C8B: variants seen among roughly 807,000 people sequenced by gnomAD.
C8B encodes complement component C8 beta chain.
A neutral mutation model predicts 64.6 loss-of-function variants in C8B; 67 were observed. The observed-to-expected ratio is 1.04, with a 90% CI of 0.85 to 1.27. C8B has a LOEUF of 1.27. Among genes scored for constraint, C8B ranks in the 50% most tolerant of loss-of-function variants. The probability of loss-of-function intolerance (pLI) is 0.00; values close to 1 mark genes in which losing one functional copy is unlikely to be tolerated. For synonymous variants in C8B, 284 were observed against 257.7 expected, an observed-to-expected ratio of 1.10 and a Z score of -0.98; for missense variants, 790 against 725.2, an observed-to-expected ratio of 1.09 and a Z score of -1.03.
At chr1:56,939,753 G>C (rs1020665970) in intron 9 of C8B, among the ~76,000 whole-genome samples, 2 of 152,218 alleles carry the variant, frequency 1.3e-5, no homozygotes, top group African/African-American at 2.4e-5. Flanking sequence ...GGAAAGTCTA[G>C]AGGGGAGGGA....
chr1:56,952,029 C>G lies in C8B; in HGVS notation c.666+19G>C. ...TGCTCAGCTGGGGCTCCCTCCACTG[C>G]TACCTGGCTGTCTCTTACCTGTGGC... On this transcript the variant is annotated intron_variant, in intron 5 of 11. Coordinates refer to ENST00000371237, the MANE Select transcript of C8B (RefSeq NM_000066.4). 1 of 1,613,506 alleles carries G rather than the reference C, an allele frequency of 6.2e-7. No homozygotes were observed. The highest frequency in any genetic ancestry group is 8.5e-7 in the Non-Finnish European group (1 of 1,179,986).
intron 9 of C8B, among the ~76,000 whole-genome samples, chr1:56,937,852 A>G (rs923350547): frequency 3.9e-5 from 6 of 152,176 alleles, no homozygotes; most frequent in Non-Finnish European, 7.3e-5. Flanking sequence ...TTCTTCACCC[A>G]TTAATGACCA....
At chr1:56,953,025 G>T (rs1283024395) in intron 4 of C8B, among the ~76,000 whole-genome samples, 2 of 152,192 alleles carry the variant, frequency 1.3e-5, no homozygotes, top group Admixed American at 6.5e-5. Context: ...TTTACTGAGG[G>T]TGTAACTGGT....
At chr1:56,959,437 A>G (rs904581405) in intron 2 of C8B, 1 of 788,628 alleles carries the variant, frequency 1.3e-6, no homozygotes, top group African/African-American at 1.7e-5. Flanking sequence ...GGAGGAGTCA[A>G]AAAGCTTTCT....
chr1:56,935,933 G>A (rs1472586088), intron 9 of C8B, among the ~76,000 whole-genome samples: 4 of 152,186 alleles, frequency 2.6e-5, no homozygotes, highest in East Asian at 1.9e-4. Context: ...CTTAACATCA[G>A]AATATGAGCA....
In C8B at chr1:56,949,556, G is replaced by T; in HGVS notation, c.863C>A (p.Thr288Asn). 3 of 1,612,602 alleles carry T rather than the reference G, an allele frequency of 1.9e-6. No homozygotes were observed. Among genetic ancestry groups the T allele is most frequent in the Non-Finnish European group, 2.5e-6 (3 of 1,178,684 alleles). ...TAAAAGCAACAAAGACATACTTACA[G>T]TATGAGAGAATCGTTTGGTTCTCCT... is the stretch of plus-strand genomic sequence containing the variant. The part of the protein sequence containing the change: ...YIRRTKRFSH[T>N]KSVFLHARSD... Residue 288 changes from threonine to asparagine, a missense_variant and splice_region_variant, in exon 6 of 12, where the codon ACT becomes AAT. Transcript: ENST00000371237.
rs115728112 is a variant in C8B at position 56,942,605 on chromosome 1, G to T, written c.1234+1091C>A. Among the ~76,000 whole-genome samples the T allele has an allele frequency of 8.9e-3, 1,359 of 152,220 alleles. 7 individuals carry two copies. The highest frequency in any genetic ancestry group is 0.015 in the Non-Finnish European group (994 of 68,006). On this transcript the variant is annotated intron_variant, in intron 8 of 11. Coordinates refer to ENST00000371237, the MANE Select transcript of C8B (RefSeq NM_000066.4). ...CTGTAGTCCCAGCTTTTGGGAGGCT[G>T]AGGCAGAAGAATCCCTTGAACCCGG...
chr1:56,959,764 AC>A, intron 2 of C8B: 1 of 794,336 alleles, frequency 1.3e-6, no homozygotes, highest in Non-Finnish European at 2.0e-6. Context: ...GATTGAAAGA[AC>A]AGGTTCAAGG....
intron 1 of C8B, among the ~76,000 whole-genome samples, chr1:56,965,102 G>A (rs867490389): frequency 6.6e-6 from 1 of 152,134 alleles, no homozygotes; most frequent in African/African-American, 2.4e-5. Flanking sequence ...CTCATTTTTG[G>A]ACTAAGTAAA....
chr1:56,932,583 G>A (rs1307106692), intron 10 of C8B, among the ~76,000 whole-genome samples: 1 of 152,118 alleles, frequency 6.6e-6, no homozygotes. Flanking sequence ...CCTCACATAG[G>A]GGTCCTTGTG....
Position 56,936,738 on chromosome 1 carries a change from C to T in C8B, c.1399-3250G>A, listed in dbSNP as rs866277975. Among the ~76,000 whole-genome samples, 6 of 151,990 alleles carry T rather than the reference C, an allele frequency of 3.9e-5. No individual in the cohort carries two copies. The South Asian group carries it at 6.2e-4, about 16-fold the overall frequency. On this transcript the variant is annotated intron_variant, in intron 9 of 11. Coordinates refer to ENST00000371237, the MANE Select transcript of C8B (RefSeq NM_000066.4). ...GCCTCCCGAGTAGCTGGATTACAGG[C>T]GCATGCCACCACACCCAGCCAATTT...
chr1:56,947,974 G>T (rs1644967242), intron 6 of C8B, among the ~76,000 whole-genome samples: 2 of 136,002 alleles, frequency 1.5e-5, no homozygotes, highest in Admixed American at 1.4e-4. Context: ...CAAACAAAAA[G>T]AATAATATAT....
In C8B at chr1:56,959,551, C is replaced by T. The variant is rs193041849; in HGVS notation, c.249+469G>A. On this transcript the variant is annotated intron_variant, in intron 2 of 11. Coordinates refer to ENST00000371237, the MANE Select transcript of C8B (RefSeq NM_000066.4). The stretch of plus-strand genomic sequence containing the variant: ...TACCTGAGAAAGCAGCATGAAGAAA[C>T]GCCCAGAGAGAGTGAAGGCCAGAGT... 71 of 1,528,484 alleles carry T rather than the reference C, an allele frequency of 4.6e-5. No homozygotes were observed. The East Asian group carries it at 1.0e-3, about 22-fold the overall frequency. 94.7% of individuals were successfully genotyped at this position (1,528,484 alleles called of 1,614,324 possible). A position where few individuals can be genotyped will look rare whatever the true frequency, so the allele number is the denominator to read the frequency against.
Position 56,929,360 on chromosome 1 carries a change from G to T in C8B, c.*44C>A. On this transcript the variant is annotated 3_prime_UTR_variant, in exon 12 of 12. Transcript: ENST00000371237. ...GGCTGAGCTGGCATGAGTTCTTGAG[G>T]GCTCAGGGCTCTCATTGTATGTAGC... 1 of 1,606,686 alleles carries T rather than the reference G, an allele frequency of 6.2e-7. No individual in the cohort carries two copies. The highest frequency in any genetic ancestry group is 1.1e-5 in the South Asian group (1 of 90,880).
intron 4 of C8B, among the ~76,000 whole-genome samples, chr1:56,953,453 G>C (rs983042827): frequency 3.3e-5 from 5 of 152,182 alleles, no homozygotes; most frequent in Admixed American, 1.3e-4. Flanking sequence ...TAGGAGGTTA[G>C]TATTACTATT....
chr1:56,933,106 T>C (rs1409617074), intron 10 of C8B, among the ~76,000 whole-genome samples: 1 of 152,178 alleles, frequency 6.6e-6, no homozygotes, highest in Non-Finnish European at 1.5e-5. Flanking sequence ...TTATTCCCAC[T>C]CCTTGCTGTG....
At chr1:56,959,732 C>T in intron 2 of C8B, 1 of 902,256 alleles carries the variant, frequency 1.1e-6, no homozygotes, top group African/African-American at 1.7e-5. Context: ...TGATTGCTTC[C>T]CCTGTTTCAT....
In C8B at chr1:56,943,775, A is replaced by T. The variant is rs1274701317; in HGVS notation, c.1155T>A (p.Ile385=). ...VHACAKNDFK[I]GGAIEEVYVS... is the part of the protein sequence containing the mutation. ...CGTAGACCTCTTCAATGGCACCACC[A>T]ATTTTAAAATCATTTTTGGCACAGG... Residue 385 remains isoleucine (I), a synonymous_variant, in exon 8 of 12, where the codon ATT becomes ATA. Coordinates refer to ENST00000371237, the MANE Select transcript of C8B (RefSeq NM_000066.4). The T allele has an allele frequency of 6.2e-7, 1 of 1,614,120 alleles. No individual in the cohort carries two copies. The highest frequency in any genetic ancestry group is 2.2e-5 in the East Asian group (1 of 44,872).
intron 5 of C8B, among the ~76,000 whole-genome samples, chr1:56,950,856 G>T (rs78165833): frequency 1.3e-5 from 2 of 152,148 alleles, no homozygotes; most frequent in Non-Finnish European, 2.9e-5. Flanking sequence ...TATGGAGAGC[G>T]GAGAGTTTAC....
Sources: gnomAD v4.1 joint callset for allele counts (sites outside exome capture counted in the v4.1 genomes callset) on GRCh38, gnomAD v4.1.1 for gene constraint, MANE v1.5 for transcripts, NCBI Gene and HGNC (gene_info 2026-07-23, HGNC 2026-07-21) for gene names.